Variants in KCNMA1 observed in about 807,000 individuals in gnomAD.
The protein encoded by KCNMA1 is potassium calcium-activated channel subfamily M alpha 1, also known as Calcium-activated potassium channel subunit alpha-1.
Under a neutral mutation model 140.0 loss-of-function variants are expected in KCNMA1, and 29 were observed. That is an observed-to-expected ratio of 0.21 (90% CI 0.15 to 0.28). KCNMA1 has a LOEUF of 0.28. Among genes scored for constraint, KCNMA1 ranks in the 10% least tolerant of loss-of-function variants. The pLI, the probability that KCNMA1 is intolerant of heterozygous loss-of-function variation, is 1.00. For synonymous variants in KCNMA1, 612 were observed against 611.9 expected, an observed-to-expected ratio of 1.00 and a Z score of 0.00; for missense variants, 880 against 1,602.2, an observed-to-expected ratio of 0.55 and a Z score of 7.70.
At chr10:77,625,684 TC>T (rs2092401815) in intron 1 of KCNMA1, among the ~76,000 whole-genome samples, 1 of 152,170 alleles carries the variant, frequency 6.6e-6, no homozygotes, top group Non-Finnish European at 1.5e-5. Context: ...AGACTTGCCT[TC>T]CTTTTTAAAG....
chr10:77,401,251 G>A (rs912509374), intron 2 of KCNMA1, among the ~76,000 whole-genome samples: 6 of 151,912 alleles, frequency 3.9e-5, no homozygotes, highest in African/African-American at 1.5e-4. Flanking sequence ...CCGCCTCCTG[G>A]GTCCGTGCCA....
chr10:76,974,445 G>C (rs2076914357), intron 19 of KCNMA1: 1 of 1,124,078 alleles, frequency 8.9e-7, no homozygotes, highest in Non-Finnish European at 1.3e-6. Context: ...AGGGCTGCAG[G>C]GTAGTTATTA....
intron 1 of KCNMA1, among the ~76,000 whole-genome samples, chr10:77,487,192 G>A (rs2098471230): frequency 6.6e-6 from 1 of 152,122 alleles, no homozygotes; most frequent in Admixed American, 6.5e-5. Flanking sequence ...ACACAGACTT[G>A]GCCCTGAAAT....
chr10:77,006,851 C>G (rs557365282), intron 18 of KCNMA1, among the ~76,000 whole-genome samples: 1 of 152,104 alleles, frequency 6.6e-6, no homozygotes, highest in Admixed American at 6.5e-5. Context: ...AGGGTTCTGT[C>G]GATGAAGAAA....
At chr10:77,327,265 C>A (rs1456462369) in intron 2 of KCNMA1, among the ~76,000 whole-genome samples, 1 of 151,532 alleles carries the variant, frequency 6.6e-6, no homozygotes, top group Non-Finnish European at 1.5e-5. Flanking sequence ...TCATCAAGAG[C>A]TTCACCACCT....
chr10:77,318,410 C>T (rs771620521), intron 2 of KCNMA1, among the ~76,000 whole-genome samples: 2 of 152,106 alleles, frequency 1.3e-5, no homozygotes, highest in Admixed American at 6.6e-5. Flanking sequence ...AAGCTCATGC[C>T]GCCATGGACT....
intron 25 of KCNMA1, among the ~76,000 whole-genome samples, chr10:76,908,469 T>C (rs1472125703): frequency 2.0e-5 from 3 of 152,236 alleles, no homozygotes; most frequent in Non-Finnish European, 2.9e-5. Flanking sequence ...AAAATTCTGA[T>C]TTTTAAATAA....
At chr10:77,265,359 G>A (rs1003711700) in intron 2 of KCNMA1, among the ~76,000 whole-genome samples, 1 of 152,146 alleles carries the variant, frequency 6.6e-6, no homozygotes, top group Non-Finnish European at 1.5e-5. Context: ...GCCAGAATGT[G>A]CATTTCTAAT....
chr10:77,442,824 A>G (rs551965495), intron 1 of KCNMA1, among the ~76,000 whole-genome samples: 7 of 152,120 alleles, frequency 4.6e-5, no homozygotes, highest in African/African-American at 1.7e-4. Flanking sequence ...TGGCCACAGG[A>G]GTCAGCATGT....
chr10:76,878,178 T>C (rs1380686520), intron 29 of KCNMA1, among the ~76,000 whole-genome samples: 3 of 152,112 alleles, frequency 2.0e-5, no homozygotes, highest in Non-Finnish European at 4.4e-5. Flanking sequence ...ACTCTGGCAA[T>C]GTCCCTTGGA....
chr10:77,368,476 C>T lies in KCNMA1; in HGVS notation c.540+35386G>A, dbSNP rs944474859. 3.3e-5 allele frequency among the ~76,000 whole-genome samples: 5 copies of T among 152,268 alleles called. No homozygotes were observed. In the South Asian group the frequency reaches 1.0e-3, roughly 32 times the overall value. ...AATATATGTGATTTTTAAGTATTCTCTCCCATTATGTAGCTTATCTTTTCA... is the reference window on the plus strand; with the variant it reads ...AATATATGTGATTTTTAAGTATTCTTTCCCATTATGTAGCTTATCTTTTCA... On this transcript the variant is annotated intron_variant, in intron 2 of 27. Coordinates refer to ENST00000286628, the MANE Select transcript of KCNMA1 (RefSeq NM_001161352.2).
intron 1 of KCNMA1, among the ~76,000 whole-genome samples, chr10:77,618,766 G>C (rs189873174): frequency 6.6e-6 from 1 of 152,170 alleles, no homozygotes; most frequent in African/African-American, 2.4e-5. Context: ...CTTCAAACCA[G>C]CCAGGGCAGG....
intron 17 of KCNMA1, among the ~76,000 whole-genome samples, chr10:77,017,697 G>A (rs1236422401): frequency 1.3e-5 from 2 of 152,238 alleles, no homozygotes. Flanking sequence ...ACATGTCATC[G>A]TTCTGTGCTC....
intron 25 of KCNMA1, among the ~76,000 whole-genome samples, chr10:76,898,936 A>G (rs1023591016): frequency 2.0e-5 from 3 of 151,994 alleles, no homozygotes; most frequent in African/African-American, 7.2e-5. Flanking sequence ...TCAAGAAATA[A>G]TTCCTTGAAA....
chr10:77,409,314 AC>A (rs1257497207), intron 1 of KCNMA1, among the ~76,000 whole-genome samples: 2 of 152,144 alleles, frequency 1.3e-5, no homozygotes, highest in Non-Finnish European at 2.9e-5. Context: ...GATCCCCACC[AC>A]CACCCAACTA....
At chr10:77,019,392 C>G (rs932514825) in intron 16 of KCNMA1, 3 of 348,714 alleles carry the variant, frequency 8.6e-6, no homozygotes, top group African/African-American at 6.3e-5. Context: ...TAGCTGCCAT[C>G]ATGGGCACAT....
chr10:77,471,338 CACACA>C (rs200716490), intron 1 of KCNMA1, among the ~76,000 whole-genome samples: 3,174 of 151,492 alleles, frequency 0.021, 65 homozygotes, highest in African/African-American at 0.048. Flanking sequence ...TCACACTACA[CACACA>C]ACACAACACA....
chr10:76,908,442 CA>C (rs2048707672), intron 25 of KCNMA1, among the ~76,000 whole-genome samples: 1 of 152,198 alleles, frequency 6.6e-6, no homozygotes, highest in Non-Finnish European at 1.5e-5. Context: ...TGTCATTTCA[CA>C]GTCATTTTTA....
chr10:77,539,957 CTG>C (rs1171881639), intron 1 of KCNMA1, among the ~76,000 whole-genome samples: 4 of 152,212 alleles, frequency 2.6e-5, no homozygotes, highest in Non-Finnish European at 4.4e-5. Context: ...CGAAGAGCTG[CTG>C]TTTCTTTTTT....
Sources: allele counts gnomAD v4.1 joint callset (sites outside exome capture counted in the v4.1 genomes callset), GRCh38; gene constraint gnomAD v4.1.1; transcripts MANE v1.5; gene names NCBI Gene and HGNC (gene_info 2026-07-23, HGNC 2026-07-21).